TSNAXIP1: variants seen among roughly 807,000 people sequenced by gnomAD.
The protein encoded by TSNAXIP1 is translin associated factor X interacting protein 1.
In TSNAXIP1, 89 loss-of-function variants were observed where a neutral mutation model predicts 84.8. The ratio of observed to expected loss-of-function variants is 1.05; its 90% confidence interval spans 0.88 to 1.25. The LOEUF is 1.25. Among genes scored for constraint, TSNAXIP1 ranks in the 50% most tolerant of loss-of-function variants. The pLI, the probability that TSNAXIP1 is intolerant of heterozygous loss-of-function variation, is 0.00. For synonymous variants in TSNAXIP1, 347 were observed against 335.2 expected (o/e 1.04, Z -0.39); for missense variants, 874 against 887.6 (o/e 0.98, Z 0.20).
In TSNAXIP1 at chr16:67,814,331, T is replaced by C. The variant is rs756480685; in HGVS notation, c.77T>C (p.Ile26Thr). 17 of 1,536,064 alleles carry C rather than the reference T, an allele frequency of 1.1e-5. No individual in the cohort carries two copies. The highest frequency in any genetic ancestry group is 2.0e-5 in the Admixed American group (1 of 50,970). Reference sequence around the variant, plus strand: ...CAGCCACGGCCTTCAGGAGTGACCATAGACGAATCCTTTCTCACAGAAGAC... The same window carrying C: ...CAGCCACGGCCTTCAGGAGTGACCACAGACGAATCCTTTCTCACAGAAGAC... ...RLQPRPSGVT[I>T]DESFLTEDKS... Residue 26 changes from isoleucine to threonine, a missense_variant, in exon 2 of 16, where the codon ATA becomes ACA. Transcript: ENST00000561639.
intron 1 of TSNAXIP1, among the ~76,000 whole-genome samples, chr16:67,809,336 C>T (rs1842531864): frequency 6.7e-6 from 1 of 149,452 alleles, no homozygotes; most frequent in Non-Finnish European, 1.5e-5. Context: ...GGTGTGGTGG[C>T]TTGCACCTGT....
At chr16:67,811,945 G>A (rs1279261535) in intron 1 of TSNAXIP1, among the ~76,000 whole-genome samples, 3 of 152,128 alleles carry the variant, frequency 2.0e-5, no homozygotes, top group Non-Finnish European at 4.4e-5. Context: ...CTAGGGTTTG[G>A]AATATTACTG....
intron 1 of TSNAXIP1, among the ~76,000 whole-genome samples, chr16:67,813,686 C>T (rs1029532731): frequency 2.1e-5 from 3 of 143,474 alleles, no homozygotes; most frequent in Admixed American, 1.5e-4. Flanking sequence ...GAGCCAAGAT[C>T]GCACCACTGC....
Position 67,806,954 on chromosome 16 carries a change from C to A in TSNAXIP1, c.-196C>A. The A allele has an allele frequency of 1.2e-6, 1 of 841,704 alleles. No homozygotes were observed. Among genetic ancestry groups the A allele is most frequent in the Non-Finnish European group, 1.8e-6 (1 of 558,748 alleles). 52.1% of individuals were successfully genotyped at this position (841,704 alleles called of 1,614,324 possible). ...TGTAGTGGTTGACTCTCAGGGCACC[C>A]GCTGCCGGGTCCCAGTCCACCTTTG... is the stretch of plus-strand genomic sequence containing the variant. On this transcript the variant is annotated 5_prime_UTR_variant, in exon 1 of 16. Coordinates refer to ENST00000561639, the MANE Select transcript of TSNAXIP1 (RefSeq NM_001288990.3).
intron 4 of TSNAXIP1, 50 bp downstream of exon 4, chr16:67,821,275 A>G: frequency 6.3e-7 from 1 of 1,588,760 alleles, no homozygotes; most frequent in Non-Finnish European, 8.6e-7. Context: ...GGTGGGAAGA[A>G]GCTTCACCTA....
intron 2 of TSNAXIP1, among the ~76,000 whole-genome samples, chr16:67,818,435 T>C (rs1272205036): frequency 2.0e-5 from 3 of 152,118 alleles, no homozygotes; most frequent in African/African-American, 7.2e-5. Flanking sequence ...GAGGATCTCT[T>C]GAGCCCGGGA....
In TSNAXIP1 at chr16:67,824,777, G is replaced by A. The variant is rs762585086; in HGVS notation, c.676G>A (p.Glu226Lys). Reference protein sequence around the residue: ...KNEEKISLQSEVTKLRKNLAE... With the variant: ...KNEEKISLQSKVTKLRKNLAE... ...TGAGGAGAAGATTTCATTGCAGAGC[G>A]AGGTGAATGGAAGTGGTGTGATGAT... is the stretch of plus-strand genomic sequence containing the variant. The change falls in exon 6 of 16, where the codon GAG becomes AAG. Residue 226 changes from glutamate (E) to lysine (K), a missense_variant and splice_region_variant. By Grantham distance (56) the Glu-to-Lys change is moderately conservative (BLOSUM62 1). Coordinates refer to ENST00000561639, the MANE Select transcript of TSNAXIP1 (RefSeq NM_001288990.3). The A allele has an allele frequency of 2.9e-5, 47 of 1,613,090 alleles. No homozygotes were observed. Among genetic ancestry groups the A allele is most frequent in the South Asian group, 6.6e-5 (6 of 90,914 alleles).
At chr16:67,823,601 A>G in intron 4 of TSNAXIP1, 25 bp from the exon 5 acceptor site, 2 of 1,600,384 alleles carry the variant, frequency 1.2e-6, no homozygotes, top group Non-Finnish European at 1.7e-6. Context: ...GGGCTAGGAG[A>G]TGATGGGTTC....
In TSNAXIP1 at chr16:67,824,588, C is replaced by G; in HGVS notation, c.487C>G (p.Gln163Glu). ...TCCCACCTGTCTCTGCTTAGCCCAC[C>G]AAAGGGAGAAGATTCGGGCTCTGGA... ...KNAYEGMLAH[Q>E]REKIRALEPL... Residue 163 changes from glutamine to glutamate, a missense_variant, in exon 6 of 16, where the codon CAA (glutamine) becomes GAA (glutamate). Physicochemically the swap from Gln to Glu is conservative, Grantham distance 29. Coordinates refer to ENST00000561639, the MANE Select transcript of TSNAXIP1 (RefSeq NM_001288990.3). 6.2e-7 allele frequency: 1 copy of G among 1,613,676 alleles called. No homozygotes were observed. Among genetic ancestry groups the G allele is most frequent in the South Asian group, 1.1e-5 (1 of 91,044 alleles).
At chr16:67,810,704 G>A (rs893188236) in intron 1 of TSNAXIP1, among the ~76,000 whole-genome samples, 11 of 152,014 alleles carry the variant, frequency 7.2e-5, no homozygotes, top group Non-Finnish European at 1.2e-4. Flanking sequence ...TCCCCTCTGA[G>A]GGTTACCATA....
intron 1 of TSNAXIP1, among the ~76,000 whole-genome samples, chr16:67,809,904 G>A (rs1597976938): frequency 1.3e-5 from 2 of 151,296 alleles, no homozygotes; most frequent in African/African-American, 4.9e-5. Flanking sequence ...AGCCGAGATC[G>A]GGCCACTGCA....
At position 67,822,293 on chromosome 16, in the gene TSNAXIP1, A is replaced by G. The variant is rs529171708; in HGVS notation, c.387+1068A>G. ...GACTCCATCTCAAAAAAAAAAAAAA[A>G]AAAAGAAAACGCCAGTGAGCAGGCA... On this transcript the variant is annotated intron_variant, in intron 4 of 15. Coordinates refer to ENST00000561639, the MANE Select transcript of TSNAXIP1 (RefSeq NM_001288990.3). 6.0e-4 allele frequency among the ~76,000 whole-genome samples: 91 copies of G among 151,798 alleles called. 2 individuals carry two copies. The highest frequency in any genetic ancestry group is 3.1e-3 in the East Asian group (16 of 5,172).
chr16:67,820,794 G>A, intron 2 of TSNAXIP1, 45 bp from the exon 3 acceptor site: 1 of 1,368,674 alleles, frequency 7.3e-7, no homozygotes, highest in Non-Finnish European at 9.9e-7. Flanking sequence ...ACATTAGGAA[G>A]GGGAGCAATG....
In TSNAXIP1 at chr16:67,827,080, GCCAGT is replaced by G. The variant is rs571468173; in HGVS notation, c.1664+13_1664+17del. ...AACCATGGAGCAGTTCAAGTGAGAG[GCCAGT>G]CCAGGCTACCCCCAACTCCTACCCA... On this transcript the variant is annotated intron_variant, in intron 13 of 15. Transcript: ENST00000561639. The G allele has an allele frequency of 3.4e-5, 55 of 1,613,278 alleles. No individual in the cohort carries two copies. The highest frequency in any genetic ancestry group is 1.7e-4 in the Middle Eastern group (1 of 5,878).
chr16:67,821,154 G>T lies in TSNAXIP1; in HGVS notation c.316G>T (p.Glu106Ter), dbSNP rs961881875. Residue 106 changes from glutamate (E) to a stop codon, truncating the protein, a stop_gained, in exon 4 of 16, where the codon GAA (glutamate) becomes TAA (stop). Transcript: ENST00000561639. LOFTEE classifies it high-confidence loss of function. ...CAAGCCCCAGTACTTGGAGGAACTG[G>T]AAAACTACCTACGCAAGGAGCTCCT... ...TAKPQYLEELENYLRKELLLL... is the reference protein window; with the variant it reads ...TAKPQYLEEL 1.9e-6 allele frequency: 3 copies of T among 1,593,226 alleles called. No individual in the cohort carries two copies. Among genetic ancestry groups the T allele is most frequent in the Non-Finnish European group, 2.6e-6 (3 of 1,167,116 alleles).
chr16:67,826,238 ATT>A lies in TSNAXIP1; in HGVS notation c.1232_1233del (p.Ile411ArgfsTer27). ...GCTGGTGGACGTGCTCCTGGAAGAG[ATT>A]GGTTCGGGGCTGCTGCGGGAGAAAG... ...DQLVDVLLEE[I>X]GSGLLREKDF... On this transcript the variant is annotated frameshift_variant, in exon 10 of 16. Coordinates refer to ENST00000561639, the MANE Select transcript of TSNAXIP1 (RefSeq NM_001288990.3). LOFTEE classifies it high-confidence loss of function. 1.3e-6 allele frequency: 2 copies of A among 1,597,152 alleles called. No individual in the cohort carries two copies. Among genetic ancestry groups the A allele is most frequent in the Non-Finnish European group, 1.7e-6 (2 of 1,170,436 alleles).
At chr16:67,821,975 ACT>A (rs1422110933) in intron 4 of TSNAXIP1, among the ~76,000 whole-genome samples, 4 of 148,996 alleles carry the variant, frequency 2.7e-5, no homozygotes, top group Non-Finnish European at 5.9e-5. Flanking sequence ...ACAGAGTGAG[ACT>A]CTGTCAACAG....
chr16:67,827,399 T>G (rs183479727), intron 14 of TSNAXIP1, 24 bp downstream of exon 14: 147 of 1,613,976 alleles, frequency 9.1e-5, no homozygotes, highest in Non-Finnish European at 1.2e-4. Flanking sequence ...GTCCGGGGAC[T>G]GGCCTGGCCC....
chr16:67,821,258 GGGGAAGGGT>G, intron 4 of TSNAXIP1, 33 bp downstream of exon 4: 2 of 1,504,188 alleles, frequency 1.3e-6, no homozygotes, highest in Non-Finnish European at 9.1e-7. Flanking sequence ...GGGGAGGGCG[GGGGAAGGGT>G]GGGAAGAAGC....
Sources: allele counts gnomAD v4.1 joint callset (sites outside exome capture counted in the v4.1 genomes callset), GRCh38; gene constraint gnomAD v4.1.1; transcripts MANE v1.5; gene names NCBI Gene and HGNC (gene_info 2026-07-23, HGNC 2026-07-21).